Variants in CFDP1 observed in about 807,000 individuals in gnomAD.
CFDP1 encodes heterochromatin-stabilizing protein CFDP1.
Under a neutral mutation model 40.1 loss-of-function variants are expected in CFDP1, and 31 were observed. The ratio of observed to expected loss-of-function variants is 0.77; its 90% CI spans 0.58 to 1.04. CFDP1 has a LOEUF of 1.04. CFDP1 is among the 50% of genes least tolerant of loss of function. CFDP1 has a pLI of 0.00. For synonymous variants in CFDP1, 167 were observed against 120.0 expected (o/e 1.39, Z -2.56); for missense variants, 423 against 343.4 (o/e 1.23, Z -1.83).
At chr16:75,363,611 A>G (rs6564256) in intron 5 of CFDP1, among the ~76,000 whole-genome samples, 129,391 of 151,958 alleles carry the variant, frequency 0.85, 55,247 homozygotes, top group Middle Eastern at 0.91. Context: ...GGTCAGGCTG[A>G]TCTCAAACAC....
intron 4 of CFDP1, among the ~76,000 whole-genome samples, chr16:75,401,145 T>C (rs984202034): frequency 7.0e-4 from 106 of 150,360 alleles, no homozygotes; most frequent in African/African-American, 1.9e-3. Context: ...AATACAAAAA[T>C]TGGCTGGGCG....
At chr16:75,368,452 C>G (rs1247968380) in intron 5 of CFDP1, among the ~76,000 whole-genome samples, 2 of 152,056 alleles carry the variant, frequency 1.3e-5, no homozygotes, top group Non-Finnish European at 2.9e-5. Context: ...GTTACATGCA[C>G]ATGGAGAGAT....
intron 5 of CFDP1, among the ~76,000 whole-genome samples, chr16:75,359,711 C>A (rs2078669888): frequency 1.3e-5 from 2 of 152,134 alleles, no homozygotes; most frequent in Non-Finnish European, 2.9e-5. Flanking sequence ...AGGATAACAA[C>A]CCTAAGCAAA....
chr16:75,376,193 A>G (rs1773916392), intron 5 of CFDP1, among the ~76,000 whole-genome samples: 1 of 152,334 alleles, frequency 6.6e-6, no homozygotes, highest in Non-Finnish European at 1.5e-5. Flanking sequence ...CCTGAGTGAC[A>G]GAGCAAGACC....
chr16:75,394,587 T>G (rs749474149), intron 5 of CFDP1: 4 of 151,860 alleles, frequency 2.6e-5, no homozygotes, highest in African/African-American at 4.8e-5. Flanking sequence ...TTCAGCTTTG[T>G]GTTCAATACT....
At chr16:75,413,720 A>C (rs2079182026) in intron 2 of CFDP1, among the ~76,000 whole-genome samples, 1 of 152,208 alleles carries the variant, frequency 6.6e-6, no homozygotes, top group Admixed American at 6.5e-5. Context: ...AATGCCCAGG[A>C]AGACAGAAAC....
chr16:75,303,272 A>C (rs2078233612), intron 6 of CFDP1, among the ~76,000 whole-genome samples: 1 of 151,966 alleles, frequency 6.6e-6, no homozygotes, highest in South Asian at 2.1e-4. Flanking sequence ...AGGCTGAGGC[A>C]GGAGAATCGC....
At chr16:75,382,461 G>C (rs1030294744) in intron 5 of CFDP1, among the ~76,000 whole-genome samples, 2 of 152,158 alleles carry the variant, frequency 1.3e-5, no homozygotes, top group Non-Finnish European at 2.9e-5. Flanking sequence ...TAGGCTTGCA[G>C]GATACTGTGA....
intron 1 of CFDP1, among the ~76,000 whole-genome samples, chr16:75,415,191 A>G (rs2079193236): frequency 6.6e-6 from 1 of 152,234 alleles, no homozygotes; most frequent in African/African-American, 2.4e-5. Flanking sequence ...TTCCAGTTAA[A>G]CATAGCAGAA....
rs1268274474 is a variant in CFDP1 at position 75,356,338 on chromosome 16, A to G, written c.650+38752T>C. On this transcript the variant is annotated intron_variant, in intron 5 of 6. Coordinates refer to ENST00000283882, the MANE Select transcript of CFDP1 (RefSeq NM_006324.3). Reference sequence around the variant, plus strand: ...GGATGTTAACAGTAAACAACACAACATTAATCTTCTTGTACACATCCATCA... The same window carrying G: ...GGATGTTAACAGTAAACAACACAACGTTAATCTTCTTGTACACATCCATCA... Among the ~76,000 whole-genome samples, 3 of 152,370 alleles carry G rather than the reference A, an allele frequency of 2.0e-5. No individual in the cohort carries two copies. In the East Asian group the frequency reaches 5.8e-4, roughly 29 times the overall value.
chr16:75,381,108 G>C (rs1014111885), intron 5 of CFDP1: 1 of 152,162 alleles, frequency 6.6e-6, no homozygotes, highest in Non-Finnish European at 1.5e-5. Flanking sequence ...GATTACAATA[G>C]TCCAAGCCTT....
chr16:75,387,621 C>G (rs1285148813), intron 5 of CFDP1, among the ~76,000 whole-genome samples: 1 of 152,196 alleles, frequency 6.6e-6, no homozygotes, highest in Non-Finnish European at 1.5e-5. Flanking sequence ...AGAAGAAATG[C>G]ACTTGACACA....
intron 5 of CFDP1, among the ~76,000 whole-genome samples, chr16:75,344,432 T>C (rs1296726606): frequency 1.3e-5 from 2 of 152,326 alleles, no homozygotes; most frequent in African/African-American, 4.8e-5. Context: ...ATGGGACTTA[T>C]GCCATTAGAA....
At chr16:75,352,363 T>TA (rs1483100309) in intron 5 of CFDP1, among the ~76,000 whole-genome samples, 1 of 150,702 alleles carries the variant, frequency 6.6e-6, no homozygotes, top group Admixed American at 6.6e-5. Context: ...CAAAACAAAT[T>TA]AAAAACCAAC....
intron 5 of CFDP1, among the ~76,000 whole-genome samples, chr16:75,362,390 G>T (rs1203713751): frequency 4.6e-5 from 7 of 152,174 alleles, no homozygotes; most frequent in African/African-American, 1.4e-4. Context: ...TCTCCTTTGA[G>T]GAGTCAACCT....
chr16:75,315,710 T>A lies in CFDP1; in HGVS notation c.651-10528A>T, dbSNP rs566561018. Among the ~76,000 whole-genome samples, 8 of 152,334 alleles carry A rather than the reference T, an allele frequency of 5.3e-5. No individual in the cohort carries two copies. In the East Asian group the frequency reaches 1.5e-3, roughly 29 times the overall value. The stretch of plus-strand genomic sequence containing the variant: ...TTCTATATATAGATTTACTTTTTTG[T>A]GGCCGTGTGGAGCCATTGCATCATT... On this transcript the variant is annotated intron_variant, in intron 5 of 6. Coordinates refer to ENST00000283882, the MANE Select transcript of CFDP1 (RefSeq NM_006324.3).
At chr16:75,295,691 C>CA (rs2078177426) in intron 6 of CFDP1, among the ~76,000 whole-genome samples, 1 of 152,186 alleles carries the variant, frequency 6.6e-6, no homozygotes, top group Non-Finnish European at 1.5e-5. Context: ...ACAGGGCCTG[C>CA]TCTTAGGTTT....
At chr16:75,345,421 T>C (rs1314461395) in intron 5 of CFDP1, among the ~76,000 whole-genome samples, 3 of 152,180 alleles carry the variant, frequency 2.0e-5, no homozygotes, top group Admixed American at 2.0e-4. Flanking sequence ...CGTACCACTT[T>C]ACCTCAGCCT....
intron 1 of CFDP1, among the ~76,000 whole-genome samples, chr16:75,432,467 C>T (rs557907798): frequency 6.6e-6 from 1 of 151,352 alleles, no homozygotes; most frequent in East Asian, 2.0e-4. Flanking sequence ...GGGAGGATCG[C>T]TTGAGCCCAG....
Sources: gnomAD v4.1 joint callset for allele counts (sites outside exome capture counted in the v4.1 genomes callset) on GRCh38, gnomAD v4.1.1 for gene constraint, MANE v1.5 for transcripts, NCBI Gene and HGNC (gene_info 2026-07-23, HGNC 2026-07-21) for gene names.